The following CCDC187 variants were observed in gnomAD, a reference collection of about 807,000 sequenced individuals.
CCDC187 encodes the protein coiled-coil domain containing 187.
In CCDC187, 32 loss-of-function variants were observed where a neutral mutation model predicts 38.0. That is an observed-to-expected ratio of 0.84 (90% CI 0.64 to 1.13). The LOEUF (loss-of-function observed/expected upper bound fraction) is 1.13, where lower values mean the gene tolerates loss of function less well. Ranked by LOEUF, CCDC187 falls within the 50% of genes most tolerant of loss-of-function variation. The pLI is 0.00. For missense variants in CCDC187, 707 were observed against 786.8 expected, an observed-to-expected ratio of 0.90 and a Z score of 1.21; for synonymous variants, 333 against 347.9, an observed-to-expected ratio of 0.96 and a Z score of 0.48.
chr9:136,301,867 C>T (rs1831693044), intron 2 of CCDC187, among the ~76,000 whole-genome samples: 1 of 152,088 alleles, frequency 6.6e-6, no homozygotes, highest in South Asian at 2.1e-4. Flanking sequence ...GGATTACAGG[C>T]ATCAGCCACC....
At position 136,263,675 on chromosome 9, in the gene CCDC187, G is replaced by A. The variant is rs1830707015; in HGVS notation, c.3859C>T (p.Pro1287Ser). Residue 1287 changes from proline to serine, a missense_variant, in exon 18 of 26, where the codon CCC becomes TCC. Transcript: ENST00000638797. ...TCGTGCGCTGGGACGACGTCCGTGG[G>A]CCCCGGGATGGGGAGGATGTCCACA... Reference protein sequence around the residue: ...GPVDILPIPGPTDVVPAHELQ... With the variant: ...GPVDILPIPGSTDVVPAHELQ... The A allele has an allele frequency of 1.0e-6, 1 of 985,442 alleles. No homozygotes were observed. Among genetic ancestry groups the A allele is most frequent in the Non-Finnish European group, 1.2e-6 (1 of 829,912 alleles). 61.0% of individuals were successfully genotyped at this position (985,442 alleles called of 1,614,324 possible).
At chr9:136,278,496 G>A (rs1830976350) in intron 10 of CCDC187, among the ~76,000 whole-genome samples, 1 of 152,234 alleles carries the variant, frequency 6.6e-6, no homozygotes. Flanking sequence ...GACTCCTCTA[G>A]CAATGGGTGA....
chr9:136,302,855 T>C lies in CCDC187; in HGVS notation c.582A>G (p.Lys194=). 2.5e-6 allele frequency: 1 copy of C among 398,770 alleles called. No homozygotes were observed. Among genetic ancestry groups the C allele is most frequent in the Non-Finnish European group, 4.4e-6 (1 of 226,168 alleles). 24.7% of individuals were successfully genotyped at this position (398,770 alleles called of 1,614,324 possible). Residue 194 remains lysine, a synonymous_variant, in exon 2 of 26, where the codon AAA becomes AAG. Transcript: ENST00000638797. ...HKASTLMLRR[K]GQEAKNPPPA... ...GAGGGGGATTTTTTGCCTCTTGGCCTTTCCTCCTAAGCATCAGCGTGGAGG... is the reference window on the plus strand; with the variant it reads ...GAGGGGGATTTTTTGCCTCTTGGCCCTTCCTCCTAAGCATCAGCGTGGAGG...
chr9:136,303,440 G>A (rs1831739436), intron 1 of CCDC187, 147 bp from the exon 2 acceptor site: 1 of 351,076 alleles, frequency 2.8e-6, no homozygotes, highest in Non-Finnish European at 5.1e-6. Flanking sequence ...CCACCTGGAG[G>A]ACAGCCCCGG....
intron 25 of CCDC187, 29 bp downstream of exon 25, chr9:136,255,628 G>T: frequency 1.0e-6 from 1 of 967,338 alleles, no homozygotes; most frequent in South Asian, 4.8e-5. Context: ...CTCGATGGCT[G>T]AAGGAGGGGC....
intron 5 of CCDC187, 74 bp from the exon 6 acceptor site, chr9:136,291,719 G>A: frequency 2.5e-6 from 1 of 398,454 alleles, no homozygotes; most frequent in Non-Finnish European, 4.4e-6. Flanking sequence ...CATCCGGGCT[G>A]GAGGCAAGGA....
chr9:136,270,355 G>A (rs1037591937), intron 14 of CCDC187, among the ~76,000 whole-genome samples: 4 of 152,102 alleles, frequency 2.6e-5, no homozygotes, highest in South Asian at 2.1e-4. Context: ...TCACTGAGTC[G>A]TCCAAGTGAT....
chr9:136,290,477 A>ACCCCG lies in CCDC187; in HGVS notation c.2127+8_2127+9insCGGGG, dbSNP rs1345546303. On this transcript the variant is annotated intron_variant, in intron 6 of 25. Coordinates refer to ENST00000638797, the MANE Select transcript of CCDC187 (RefSeq NM_001378188.1). The stretch of plus-strand genomic sequence containing the variant: ...AGCCGAGTCCCCCCAACCCAACCCC[A>ACCCCG]GCATGTACCCCGGACTGTGCAGAAC... The ACCCCG allele has an allele frequency of 2.5e-6, 1 of 398,112 alleles. No homozygotes were observed. The highest frequency in any genetic ancestry group is 4.4e-6 in the Non-Finnish European group (1 of 225,936). 24.7% of individuals were successfully genotyped at this position (398,112 alleles called of 1,614,324 possible).
intron 6 of CCDC187, 135 bp downstream of exon 6, chr9:136,290,351 A>C: frequency 2.5e-6 from 1 of 397,760 alleles, no homozygotes; most frequent in Non-Finnish European, 4.4e-6. Context: ...GACGCCACGA[A>C]GTCCCCAGCC....
At chr9:136,284,725 G>A (rs1271650331) in intron 9 of CCDC187, among the ~76,000 whole-genome samples, 2 of 148,486 alleles carry the variant, frequency 1.3e-5, no homozygotes, top group Non-Finnish European at 3.0e-5. Context: ...TGGGGGGCAG[G>A]TGTGGAGGGG....
Position 136,252,035 on chromosome 9 carries a change from C to G in CCDC187, c.*1559G>C, listed in dbSNP as rs1830547741. On this transcript the variant is annotated 3_prime_UTR_variant, in exon 26 of 26. Coordinates refer to ENST00000638797, the MANE Select transcript of CCDC187 (RefSeq NM_001378188.1). ...GGGAAGAGCCGGCCGCCCACCCAGT[C>G]CACCCTGGGAAGGTCCAGGCAACCA... 1 of 115,248 alleles carries G rather than the reference C, an allele frequency of 8.7e-6. No homozygotes were observed. The highest frequency in any genetic ancestry group is 2.0e-5 in the Non-Finnish European group (1 of 50,898). The allele number at this position is 115,248 out of a possible 1,614,324, so 7.1% of individuals were successfully genotyped here.
intron 10 of CCDC187, among the ~76,000 whole-genome samples, chr9:136,278,196 C>T (rs1273204404): frequency 6.6e-6 from 1 of 152,252 alleles, no homozygotes; most frequent in Admixed American, 6.5e-5. Flanking sequence ...TTTCATGGCC[C>T]TGAGAGAGGC....
intron 6 of CCDC187, 62 bp downstream of exon 6, chr9:136,290,424 G>A (rs1447323280): frequency 5.0e-6 from 2 of 398,390 alleles, no homozygotes; most frequent in Non-Finnish European, 8.8e-6. Flanking sequence ...GGCAGCACCT[G>A]AGCGCCTAAG....
intron 12 of CCDC187, among the ~76,000 whole-genome samples, chr9:136,275,832 C>A (rs1304627982): frequency 6.6e-6 from 1 of 152,110 alleles, no homozygotes; most frequent in Non-Finnish European, 1.5e-5. Flanking sequence ...AGAGACCTGC[C>A]GGGGGTGTAA....
intron 3 of CCDC187, among the ~76,000 whole-genome samples, chr9:136,298,412 C>T (rs982739321): frequency 6.8e-6 from 1 of 146,660 alleles, no homozygotes; most frequent in Non-Finnish European, 1.5e-5. Flanking sequence ...TTCAAAGTCC[C>T]GCAGCGAGTG....
Position 136,297,835 on chromosome 9 carries a change from G to C in CCDC187, c.725-14C>G. ...TTTCCCTCAGAACTTCAGTGAGGAAGAGAAAGGAAGGGAGGGAGGGAGGGT... is the reference window on the plus strand; with the variant it reads ...TTTCCCTCAGAACTTCAGTGAGGAACAGAAAGGAAGGGAGGGAGGGAGGGT... On this transcript the variant is annotated splice_polypyrimidine_tract_variant and intron_variant, in intron 3 of 25. Coordinates refer to ENST00000638797, the MANE Select transcript of CCDC187 (RefSeq NM_001378188.1). The C allele has an allele frequency of 4.3e-6, 1 of 234,258 alleles. No individual in the cohort carries two copies. Among genetic ancestry groups the C allele is most frequent in the Non-Finnish European group, 8.2e-6 (1 of 121,688 alleles). 14.5% of individuals were successfully genotyped at this position (234,258 alleles called of 1,614,324 possible).
At chr9:136,269,608 A>G (rs1227293650) in intron 14 of CCDC187, among the ~76,000 whole-genome samples, 6 of 152,200 alleles carry the variant, frequency 3.9e-5, no homozygotes, top group African/African-American at 1.4e-4. Context: ...AGATTGCGCC[A>G]CTGCACTCCA....
Position 136,253,600 on chromosome 9 carries a change from G to A in CCDC187, c.6228C>T (p.Thr2076=), listed in dbSNP as rs782492067. The change falls in exon 26 of 26, where the codon ACC becomes ACT. Residue 2076 remains threonine, a synonymous_variant. Coordinates refer to ENST00000638797, the MANE Select transcript of CCDC187 (RefSeq NM_001378188.1). ...LFPGPQGSAG[T]Q Reference sequence around the variant, plus strand: ...CCCCTGGGCAGAGCCCCAACTACTGGGTTCCCGCCGACCCCTGGGGCCCAG... The same window carrying A: ...CCCCTGGGCAGAGCCCCAACTACTGAGTTCCCGCCGACCCCTGGGGCCCAG... 2.0e-6 allele frequency: 2 copies of A among 985,612 alleles called. No homozygotes were observed. Among genetic ancestry groups the A allele is most frequent in the Non-Finnish European group, 2.4e-6 (2 of 830,048 alleles). The allele number at this position is 985,612 out of a possible 1,614,324, so 61.1% of individuals were successfully genotyped here.
At chr9:136,273,479 G>A (rs1164322830) in intron 14 of CCDC187, among the ~76,000 whole-genome samples, 3 of 152,032 alleles carry the variant, frequency 2.0e-5, no homozygotes, top group Admixed American at 6.5e-5. Context: ...TAATGATCCC[G>A]AGTGTTTATG....
Sources: gnomAD v4.1 joint callset for allele counts (sites outside exome capture counted in the v4.1 genomes callset) on GRCh38, gnomAD v4.1.1 for gene constraint, MANE v1.5 for transcripts, NCBI Gene and HGNC (gene_info 2026-07-23, HGNC 2026-07-21) for gene names.